Variants in SLC1A2 observed in about 807,000 individuals in gnomAD.
SLC1A2 encodes the protein excitatory amino acid transporter 2.
Under a neutral mutation model 48.8 loss-of-function variants are expected in SLC1A2, and 15 were observed. That is an observed-to-expected ratio of 0.31 (90% CI 0.21 to 0.47). SLC1A2 has a LOEUF of 0.47. Among genes scored for constraint, SLC1A2 ranks in the 20% least tolerant of loss-of-function variants. The pLI, the probability that SLC1A2 is intolerant of heterozygous loss-of-function variation, is 0.99. For synonymous variants in SLC1A2, 279 were observed against 272.6 expected (o/e 1.02, Z -0.23); for missense variants, 502 against 730.5 (o/e 0.69, Z 3.61).
chr11:35,343,208 C>T (rs1190480221), intron 1 of SLC1A2, among the ~76,000 whole-genome samples: 1 of 152,208 alleles, frequency 6.6e-6, no homozygotes, highest in Non-Finnish European at 1.5e-5. Flanking sequence ...AGGCTAGGGG[C>T]TGATAAAAGA....
chr11:35,345,606 C>T (rs144704441), intron 1 of SLC1A2, among the ~76,000 whole-genome samples: 123 of 152,218 alleles, frequency 8.1e-4, no homozygotes, highest in African/African-American at 2.9e-3. Flanking sequence ...AAGGTTACCT[C>T]CCCACACCAA....
At chr11:35,386,115 G>A (rs1315789737) in intron 1 of SLC1A2, among the ~76,000 whole-genome samples, 1 of 152,238 alleles carries the variant, frequency 6.6e-6, no homozygotes, top group African/African-American at 2.4e-5. Flanking sequence ...GCAGTGAGCC[G>A]AGATGGCGCC....
Position 35,251,399 on chromosome 11 carries a change from C to A in SLC1A2, c.*9495G>T, listed in dbSNP as rs1281822793. 6.6e-6 allele frequency: 1 copy of A among 152,546 alleles called. No individual in the cohort carries two copies. Among genetic ancestry groups the A allele is most frequent in the African/African-American group, 2.4e-5 (1 of 41,426 alleles). The allele number at this position is 152,546 out of a possible 1,614,324, so 9.4% of individuals were successfully genotyped here. ...GGCGAAAACAAAAGACCTCAACTAC[C>A]CAAAATGTGCTTCATCAACAAGGCA... On this transcript the variant is annotated 3_prime_UTR_variant, in exon 11 of 11. Coordinates refer to ENST00000278379, the MANE Select transcript of SLC1A2 (RefSeq NM_004171.4).
intron 9 of SLC1A2, among the ~76,000 whole-genome samples, chr11:35,268,294 G>A (rs1670447689): frequency 6.6e-6 from 1 of 152,118 alleles, no homozygotes; most frequent in African/African-American, 2.4e-5. Context: ...TTGCATTATT[G>A]GCAAAGAAAG....
At chr11:35,338,810 A>G (rs1306023795) in intron 1 of SLC1A2, among the ~76,000 whole-genome samples, 1 of 152,242 alleles carries the variant, frequency 6.6e-6, no homozygotes, top group Non-Finnish European at 1.5e-5. Context: ...CTAAAACAAA[A>G]CAGTCCTTTG....
chr11:35,390,576 T>A (rs1331382804), intron 1 of SLC1A2: 1 of 152,122 alleles, frequency 6.6e-6, no homozygotes, highest in Non-Finnish European at 1.5e-5. Context: ...AAAAATAAAA[T>A]GTACCATCTC....
intron 1 of SLC1A2, among the ~76,000 whole-genome samples, chr11:35,366,574 A>G (rs1853856100): frequency 1.3e-5 from 2 of 152,168 alleles, no homozygotes; most frequent in South Asian, 4.1e-4. Context: ...AGTTGTCCAC[A>G]GTGGTAGCTA....
chr11:35,306,430 AC>A (rs1392634035), intron 4 of SLC1A2, among the ~76,000 whole-genome samples, 188 bp from the exon 5 acceptor site: 4 of 152,254 alleles, frequency 2.6e-5, no homozygotes, highest in African/African-American at 9.6e-5. Context: ...GTTTTATTAT[AC>A]ACAGTGAGAT....
chr11:35,360,420 C>T (rs1853636796), intron 1 of SLC1A2, among the ~76,000 whole-genome samples: 1 of 152,234 alleles, frequency 6.6e-6, no homozygotes, highest in Admixed American at 6.5e-5. Context: ...GTCAGTAGCT[C>T]TGACACCAGA....
chr11:35,281,559 C>A (rs550718311), intron 8 of SLC1A2, among the ~76,000 whole-genome samples: 4 of 152,146 alleles, frequency 2.6e-5, no homozygotes, highest in Non-Finnish European at 5.9e-5. Flanking sequence ...AAGCGTCAGG[C>A]GCCTGGATGC....
rs532289257 is a variant in SLC1A2 at position 35,372,165 on chromosome 11, T to C, written c.17+46785A>G. On this transcript the variant is annotated intron_variant, in intron 1 of 10. Transcript: ENST00000278379. ...ATGGAGAGGGCAAGGGAAGGAAGTA[T>C]GCCTGGTAAAGAGAAACTACAAGGC... 7.2e-5 allele frequency among the ~76,000 whole-genome samples: 11 copies of C among 152,334 alleles called. No homozygotes were observed. In the South Asian group the frequency reaches 2.3e-3, roughly 32 times the overall value.
intron 5 of SLC1A2, among the ~76,000 whole-genome samples, chr11:35,305,712 G>C (rs1260027452): frequency 6.6e-6 from 1 of 152,222 alleles, no homozygotes; most frequent in Non-Finnish European, 1.5e-5. Flanking sequence ...CATGGGGGCA[G>C]CTTTTAAAAA....
intron 6 of SLC1A2, among the ~76,000 whole-genome samples, chr11:35,295,767 ACTTT>A (rs1851151919): frequency 6.6e-6 from 1 of 152,036 alleles, no homozygotes; most frequent in Non-Finnish European, 1.5e-5. Context: ...GCCTCCACCT[ACTTT>A]GTCTTTCAGC....
chr11:35,281,151 A>C, intron 8 of SLC1A2, 150 bp from the exon 9 acceptor site: 1 of 1,139,890 alleles, frequency 8.8e-7, no homozygotes, highest in Non-Finnish European at 1.2e-6. Flanking sequence ...GAGAAATCTA[A>C]AGTACTAAGA....
intron 1 of SLC1A2, among the ~76,000 whole-genome samples, chr11:35,388,892 A>G (rs1018761137): frequency 1.3e-5 from 2 of 152,192 alleles, no homozygotes; most frequent in South Asian, 4.1e-4. Context: ...GTGGTAGCTA[A>G]TCACTGGGTA....
intron 1 of SLC1A2, among the ~76,000 whole-genome samples, chr11:35,382,892 A>G (rs1854476504): frequency 6.6e-6 from 1 of 152,224 alleles, no homozygotes. Context: ...TAGGAGTGAA[A>G]AAAGCTTAAA....
At chr11:35,339,683 A>G (rs1852768610) in intron 1 of SLC1A2, among the ~76,000 whole-genome samples, 8 of 152,174 alleles carry the variant, frequency 5.3e-5, no homozygotes, top group Admixed American at 5.2e-4. Context: ...GGGCAGATGG[A>G]TGGATGGAGG....
chr11:35,345,524 G>T (rs55930999), intron 1 of SLC1A2, among the ~76,000 whole-genome samples: 1 of 152,068 alleles, frequency 6.6e-6, no homozygotes, highest in African/African-American at 2.4e-5. Context: ...GGTCAGCACC[G>T]CCACTGTGAG....
chr11:35,418,716 C>G, intron 1 of SLC1A2: 1 of 559,348 alleles, frequency 1.8e-6, no homozygotes. Flanking sequence ...GCACCTTACC[C>G]TTTTTATCAA....
Sources: allele counts gnomAD v4.1 joint callset (sites outside exome capture counted in the v4.1 genomes callset), GRCh38; gene constraint gnomAD v4.1.1; transcripts MANE v1.5; gene names NCBI Gene and HGNC (gene_info 2026-07-23, HGNC 2026-07-21).